NELL2: variants seen among roughly 807,000 people sequenced by gnomAD.
NELL2 encodes the protein neural EGFL like 2.
NELL2 carries 41 observed loss-of-function variants against 109.6 expected under a neutral mutation model. The ratio of observed to expected loss-of-function variants is 0.37; its 90% confidence interval spans 0.29 to 0.49. The LOEUF is 0.49. NELL2 is among the 20% of genes least tolerant of loss of function. The probability of loss-of-function intolerance (pLI) is 0.98; values close to 1 mark genes in which losing one functional copy is unlikely to be tolerated. For synonymous variants in NELL2, 355 were observed against 344.7 expected, an observed-to-expected ratio of 1.03 and a Z score of -0.33; for missense variants, 900 against 1,008.3, an observed-to-expected ratio of 0.89 and a Z score of 1.45.
intron 3 of NELL2, among the ~76,000 whole-genome samples, chr12:44,810,953 T>C (rs1291181991): frequency 6.6e-6 from 1 of 152,090 alleles, no homozygotes; most frequent in Non-Finnish European, 1.5e-5. Context: ...AACAAACATG[T>C]ATACACATAA....
rs1941567690 is a variant in NELL2 at position 44,522,145 on chromosome 12, C to G, written c.2030G>C (p.Cys677Ser). The G allele has an allele frequency of 3.7e-6, 6 of 1,613,948 alleles. No homozygotes were observed. The highest frequency in any genetic ancestry group is 5.1e-6 in the Non-Finnish European group (6 of 1,180,016). The stretch of plus-strand genomic sequence containing the variant: ...ATCAACTGTGGGATTCTCACAGTCA[C>G]AGACCATCCGTCGACACATAACGAA... ...NGFVMCRRMV[C>S]DCENPTVDLF... The change falls in exon 18 of 20, where the codon TGT becomes TCT. Residue 677 changes from cysteine (C) to serine (S), a missense_variant. By Grantham distance (112) the Cys-to-Ser change is moderately radical (BLOSUM62 -1). Around this residue, in one of 4 missense-constraint regions of NELL2, gnomAD observed 333 missense variants for 432.3 expected, o/e 0.77. Transcript: ENST00000429094.
chr12:44,648,900 TTGTGTG>T (rs563769057), intron 13 of NELL2, among the ~76,000 whole-genome samples: 422 of 107,150 alleles, frequency 3.9e-3, no homozygotes, highest in African/African-American at 0.015. Context: ...CACGCCCAGC[TTGTGTG>T]TGTGTGTGTG....
chr12:44,855,875 C>G (rs577239315), intron 2 of NELL2, among the ~76,000 whole-genome samples: 3 of 152,192 alleles, frequency 2.0e-5, no homozygotes, highest in Non-Finnish European at 4.4e-5. Flanking sequence ...TTAAACAGAA[C>G]TACCATTTTT....
At chr12:44,759,571 T>C (rs1941036513) in intron 9 of NELL2, among the ~76,000 whole-genome samples, 1 of 152,138 alleles carries the variant, frequency 6.6e-6, no homozygotes, top group South Asian at 2.1e-4. Flanking sequence ...CCCAGCATGA[T>C]TGAAGAAAAA....
intron 15 of NELL2, among the ~76,000 whole-genome samples, chr12:44,534,699 T>C (rs950762897): frequency 6.6e-6 from 1 of 152,044 alleles, no homozygotes; most frequent in Admixed American, 6.6e-5. Context: ...AGAAAACAGG[T>C]TGGAATTTAA....
chr12:44,701,801 A>T (rs1246306845), intron 12 of NELL2, among the ~76,000 whole-genome samples: 1 of 152,056 alleles, frequency 6.6e-6, no homozygotes, highest in Non-Finnish European at 1.5e-5. Context: ...CATCACTCCC[A>T]ACACAATAGT....
At chr12:44,817,326 C>T (rs1429456232) in intron 2 of NELL2, among the ~76,000 whole-genome samples, 1 of 152,144 alleles carries the variant, frequency 6.6e-6, no homozygotes, top group African/African-American at 2.4e-5. Flanking sequence ...TCTAGGCCCA[C>T]GATTTTACAT....
intron 12 of NELL2, among the ~76,000 whole-genome samples, chr12:44,702,611 G>A (rs1249145258): frequency 1.3e-5 from 2 of 152,062 alleles, no homozygotes; most frequent in Non-Finnish European, 2.9e-5. Context: ...TCTATGTTAT[G>A]TAAGGGTAAA....
chr12:44,812,814 T>C (rs1943221519), intron 3 of NELL2, among the ~76,000 whole-genome samples: 1 of 152,024 alleles, frequency 6.6e-6, no homozygotes, highest in South Asian at 2.1e-4. Flanking sequence ...TAAATGATGC[T>C]GAAAAAAAGG....
intron 3 of NELL2, among the ~76,000 whole-genome samples, chr12:44,803,190 T>C (rs1362728288): frequency 6.6e-6 from 1 of 151,564 alleles, no homozygotes; most frequent in African/African-American, 2.4e-5. Context: ...TCTAAGACCA[T>C]AGAGGATATC....
At chr12:44,771,547 C>T (rs1318780382) in intron 9 of NELL2, among the ~76,000 whole-genome samples, 1 of 152,174 alleles carries the variant, frequency 6.6e-6, no homozygotes, top group Non-Finnish European at 1.5e-5. Context: ...AATATGGCTT[C>T]ATTATGGCTG....
chr12:44,641,993 G>A (rs1286363983), intron 13 of NELL2, among the ~76,000 whole-genome samples: 5 of 151,910 alleles, frequency 3.3e-5, no homozygotes, highest in East Asian at 1.9e-4. Context: ...CAGCGCGCCC[G>A]GCCCAGTTTC....
At chr12:44,538,634 A>T (rs1476022064) in intron 15 of NELL2, among the ~76,000 whole-genome samples, 1 of 152,218 alleles carries the variant, frequency 6.6e-6, no homozygotes, top group Non-Finnish European at 1.5e-5. Flanking sequence ...ACTGGGTAAG[A>T]CTAGAGGCCA....
At chr12:44,704,355 A>G (rs1403427735) in intron 11 of NELL2, among the ~76,000 whole-genome samples, 1 of 152,150 alleles carries the variant, frequency 6.6e-6, no homozygotes, top group Admixed American at 6.5e-5. Context: ...GTTAAAGATG[A>G]ATATTAAATC....
intron 15 of NELL2, among the ~76,000 whole-genome samples, chr12:44,562,804 A>T (rs1943515221): frequency 6.6e-6 from 1 of 152,226 alleles, no homozygotes; most frequent in Non-Finnish European, 1.5e-5. Context: ...TGACCCAGCA[A>T]TCCCATTACT....
intron 1 of NELL2, chr12:44,913,654 A>G: frequency 2.7e-6 from 1 of 376,904 alleles, no homozygotes. Context: ...AAATTCGTAA[A>G]CGTTAATATA....
chr12:44,903,580 C>T (rs1200794317), intron 1 of NELL2, among the ~76,000 whole-genome samples: 1 of 152,138 alleles, frequency 6.6e-6, no homozygotes, highest in East Asian at 1.9e-4. Context: ...TATAAAGATA[C>T]ATGCACACGT....
At chr12:44,705,449 A>G (rs1937820592) in intron 11 of NELL2, among the ~76,000 whole-genome samples, 1 of 152,214 alleles carries the variant, frequency 6.6e-6, no homozygotes, top group South Asian at 2.1e-4. Context: ...AGTCTTCACA[A>G]TCTAAACTGT....
chr12:44,652,292 GAGC>G (rs139766409), intron 13 of NELL2, among the ~76,000 whole-genome samples: 20 of 152,290 alleles, frequency 1.3e-4, no homozygotes, highest in Non-Finnish European at 2.8e-4. Flanking sequence ...CCTAAAAAAA[GAGC>G]AGATGAGACA....
Sources: allele counts gnomAD v4.1 joint callset (sites outside exome capture counted in the v4.1 genomes callset), GRCh38; gene constraint gnomAD v4.1.1; regional missense constraint gnomAD v4.1.1; transcripts MANE v1.5; gene names NCBI Gene and HGNC (gene_info 2026-07-23, HGNC 2026-07-21).